Variants in ADAM10 observed in about 807,000 individuals in gnomAD.
ADAM10 encodes ADAM metallopeptidase domain 10.
In ADAM10, 17 loss-of-function variants were observed where a neutral mutation model predicts 90.1. That is an observed-to-expected ratio of 0.19 (90% CI 0.13 to 0.28). ADAM10 has a LOEUF of 0.28. ADAM10 is among the 10% of genes least tolerant of loss of function. The pLI, the probability that ADAM10 is intolerant of heterozygous loss-of-function variation, is 1.00. For synonymous variants in ADAM10, 310 were observed against 298.6 expected (o/e 1.04, Z -0.40); for missense variants, 610 against 914.3 (o/e 0.67, Z 4.29).
At chr15:58,720,781 T>TA (rs1898826191) in intron 1 of ADAM10, among the ~76,000 whole-genome samples, 1 of 152,178 alleles carries the variant, frequency 6.6e-6, no homozygotes, top group Non-Finnish European at 1.5e-5. Flanking sequence ...TAAACATACT[T>TA]ATAAATGTAG....
intron 9 of ADAM10, among the ~76,000 whole-genome samples, chr15:58,628,743 G>C (rs550353560): frequency 6.6e-6 from 1 of 152,264 alleles, no homozygotes; most frequent in Admixed American, 6.5e-5. Context: ...CTGGACACTA[G>C]AGTAATTGTG....
rs146156995 is a variant in ADAM10 at position 58,630,569 on chromosome 15, C to T, written c.1176+2627G>A. 5.0e-3 allele frequency among the ~76,000 whole-genome samples: 761 copies of T among 152,284 alleles called. 6 individuals carry two copies. The highest frequency in any genetic ancestry group is 8.5e-3 in the Admixed American group (130 of 15,294). ...GAGAGTAGGTACATATTAGAATTTTCACCCTGAGAGACAGGAACTTTGTCT... is the reference window on the plus strand; with the variant it reads ...GAGAGTAGGTACATATTAGAATTTTTACCCTGAGAGACAGGAACTTTGTCT... On this transcript the variant is annotated intron_variant, in intron 9 of 15. Transcript: ENST00000260408.
intron 14 of ADAM10, among the ~76,000 whole-genome samples, chr15:58,608,970 A>C (rs1895358947): frequency 6.6e-6 from 1 of 152,212 alleles, no homozygotes; most frequent in Non-Finnish European, 1.5e-5. Flanking sequence ...TACAGCAGAC[A>C]AGTATACCAA....
intron 14 of ADAM10, chr15:58,610,009 C>T: frequency 2.7e-6 from 1 of 367,848 alleles, no homozygotes; most frequent in Non-Finnish European, 4.9e-6. Flanking sequence ...TGAAAATGCC[C>T]TAATAATATG....
chr15:58,735,491 C>G (rs188883563), intron 1 of ADAM10, among the ~76,000 whole-genome samples: 1 of 152,304 alleles, frequency 6.6e-6, no homozygotes, highest in East Asian at 1.9e-4. Context: ...AAATCCCTGA[C>G]AAAATGACGC....
intron 2 of ADAM10, among the ~76,000 whole-genome samples, chr15:58,694,135 C>CA (rs1382011171): frequency 6.6e-6 from 1 of 152,174 alleles, no homozygotes; most frequent in Non-Finnish European, 1.5e-5. Flanking sequence ...AACTGTTTAG[C>CA]ACTTTCTTAC....
intron 2 of ADAM10, chr15:58,691,469 C>A: frequency 1.6e-6 from 1 of 637,176 alleles, no homozygotes; most frequent in South Asian, 1.4e-5. Context: ...GTGCCTCCTT[C>A]ATGCAAGACA....
intron 1 of ADAM10, among the ~76,000 whole-genome samples, chr15:58,730,277 A>C (rs1899193286): frequency 6.6e-6 from 1 of 152,222 alleles, no homozygotes; most frequent in Non-Finnish European, 1.5e-5. Flanking sequence ...ACTGAGTAGA[A>C]AAAGTTTCCA....
At chr15:58,700,815 G>A (rs1410992323) in intron 2 of ADAM10, among the ~76,000 whole-genome samples, 1 of 151,762 alleles carries the variant, frequency 6.6e-6, no homozygotes, top group African/African-American at 2.4e-5. Context: ...AGGAGTTCGA[G>A]ACCAGCATGA....
intron 2 of ADAM10, among the ~76,000 whole-genome samples, chr15:58,715,987 G>C (rs1203826544): frequency 6.6e-6 from 1 of 152,056 alleles, no homozygotes. Context: ...ATGATTGCTT[G>C]TAATTTCATA....
At chr15:58,717,989 C>G (rs1192568234) in intron 1 of ADAM10, among the ~76,000 whole-genome samples, 1 of 152,012 alleles carries the variant, frequency 6.6e-6, no homozygotes, top group Non-Finnish European at 1.5e-5. Context: ...CTCTTCTATT[C>G]ACATTTTGCT....
At chr15:58,601,577 A>C (rs369324736) in intron 14 of ADAM10, among the ~76,000 whole-genome samples, 3 of 151,898 alleles carry the variant, frequency 2.0e-5, no homozygotes, top group Admixed American at 6.5e-5. Flanking sequence ...TAATTTCTAC[A>C]ATATAAGGGT....
chr15:58,713,988 T>C (rs1409910375), intron 2 of ADAM10, among the ~76,000 whole-genome samples: 5 of 152,036 alleles, frequency 3.3e-5, no homozygotes, highest in African/African-American at 9.7e-5. Flanking sequence ...GTATTTTTAG[T>C]AGAGACGGGG....
At chr15:58,623,306 C>A (rs1300459924) in intron 10 of ADAM10, among the ~76,000 whole-genome samples, 11 of 152,198 alleles carry the variant, frequency 7.2e-5, no homozygotes, top group African/African-American at 2.7e-4. Context: ...GACTGGGAAC[C>A]CAGACCCTCA....
At chr15:58,615,358 T>C (rs1284548935) in intron 11 of ADAM10, among the ~76,000 whole-genome samples, 2 of 150,526 alleles carry the variant, frequency 1.3e-5, no homozygotes, top group Non-Finnish European at 3.0e-5. Context: ...CAATCATGAA[T>C]ATACACCAAT....
At chr15:58,694,368 T>C (rs148137892) in intron 2 of ADAM10, among the ~76,000 whole-genome samples, 443 of 152,092 alleles carry the variant, frequency 2.9e-3, no homozygotes, top group Non-Finnish European at 4.3e-3. Flanking sequence ...AGAGAATTGC[T>C]TGAACCCAGG....
At chr15:58,655,718 TATATA>T (rs1896805399) in intron 5 of ADAM10, among the ~76,000 whole-genome samples, 2 of 72,112 alleles carry the variant, frequency 2.8e-5, no homozygotes, top group African/African-American at 1.4e-4. Flanking sequence ...ATAGTATATA[TATATA>T]TATATATATA....
intron 2 of ADAM10, chr15:58,698,405 C>CAAAA: frequency 2.2e-5 from 2 of 93,006 alleles, no homozygotes; most frequent in South Asian, 9.3e-5. Context: ...AACCCCATCT[C>CAAAA]TAAAAAAAAA....
At chr15:58,683,757 G>A (rs1380668988) in intron 2 of ADAM10, among the ~76,000 whole-genome samples, 1 of 150,638 alleles carries the variant, frequency 6.6e-6, no homozygotes, top group Non-Finnish European at 1.5e-5. Flanking sequence ...CTACTGGGGA[G>A]GCTGAGGTAA....
Sources: allele counts gnomAD v4.1 joint callset (sites outside exome capture counted in the v4.1 genomes callset), GRCh38; gene constraint gnomAD v4.1.1; transcripts MANE v1.5; gene names NCBI Gene and HGNC (gene_info 2026-07-23, HGNC 2026-07-21).